The following DAB2IP variants were observed in gnomAD, a reference collection of about 807,000 sequenced individuals.
DAB2IP encodes the protein DAB2 interacting protein, also known as disabled homolog 2-interacting protein.
A neutral mutation model predicts 107.2 loss-of-function variants in DAB2IP; 28 were observed. That is an observed-to-expected ratio of 0.26 (90% CI 0.19 to 0.36). The LOEUF is 0.36. DAB2IP is among the 10% of genes least tolerant of loss of function. The pLI is 1.00. For missense variants in DAB2IP, 1,400 were observed against 1,644.7 expected, an observed-to-expected ratio of 0.85 and a Z score of 2.57; for synonymous variants, 755 against 706.4, an observed-to-expected ratio of 1.07 and a Z score of -1.09.
chr9:121,613,470 G>C (rs970155514), intron 1 of DAB2IP, among the ~76,000 whole-genome samples: 11 of 152,324 alleles, frequency 7.2e-5, no homozygotes, highest in African/African-American at 2.6e-4. Context: ...TCCAGTGCTA[G>C]GGCAGGAAGT....
chr9:121,760,272 C>G lies in DAB2IP; in HGVS notation c.1003C>G (p.Gln335Glu). The change falls in exon 6 of 16, where the codon CAA becomes GAA. Residue 335 changes from glutamine to glutamate, a missense_variant. Gln to Glu is a conservative substitution (Grantham distance 29). Transcript: ENST00000408936. The surrounding 1 kb of genome is among the most constrained non-coding windows in gnomAD (Gnocchi z 5.9). ...CATGATCCGCATCAAGGCGCGCTAC[C>G]AAACCATCACCATCCTGCCCATGGA... 6.2e-7 allele frequency: 1 copy of G among 1,613,912 alleles called. No homozygotes were observed. Among genetic ancestry groups the G allele is most frequent in the Non-Finnish European group, 8.5e-7 (1 of 1,180,026 alleles).
chr9:121,750,495 A>G (rs111651912), intron 3 of DAB2IP, among the ~76,000 whole-genome samples: 1 of 152,084 alleles, frequency 6.6e-6, no homozygotes, highest in Admixed American at 6.5e-5. Flanking sequence ...CTAAAACCAG[A>G]CGAGCCTGGC....
At chr9:121,749,769 G>C (rs1272579370) in intron 3 of DAB2IP, among the ~76,000 whole-genome samples, 1 of 152,216 alleles carries the variant, frequency 6.6e-6, no homozygotes. Context: ...AGATATGATT[G>C]ATCCCCATTT....
intron 14 of DAB2IP, among the ~76,000 whole-genome samples, chr9:121,777,861 A>G (rs1835315675): frequency 6.6e-6 from 1 of 152,126 alleles, no homozygotes; most frequent in African/African-American, 2.4e-5. Context: ...CCTCTTTGTC[A>G]TTATAAAATC....
intron 3 of DAB2IP, among the ~76,000 whole-genome samples, chr9:121,707,474 G>A (rs1379633996): frequency 2.6e-5 from 4 of 152,202 alleles, no homozygotes; most frequent in African/African-American, 9.6e-5. Context: ...GGGGACCAGA[G>A]CAGCCCTTCT....
chr9:121,581,740 G>C (rs1830198357), intron 1 of DAB2IP, among the ~76,000 whole-genome samples: 1 of 152,216 alleles, frequency 6.6e-6, no homozygotes, highest in Non-Finnish European at 1.5e-5. Flanking sequence ...GAGGCTGTGT[G>C]AGAGCTACAA....
chr9:121,678,612 C>T, intron 1 of DAB2IP, 66 bp from the exon 2 acceptor site: 1 of 1,303,084 alleles, frequency 7.7e-7, no homozygotes, highest in Non-Finnish European at 1.0e-6. Context: ...ATGGGAGTGG[C>T]AGGAGGCCCT....
chr9:121,567,094 C>A, exon 1 of DAB2IP: 2 of 1,540,204 alleles, frequency 1.3e-6, no homozygotes, highest in East Asian at 4.5e-5. Context: ...TTGGAAAAGC[C>A]GCCAGATGGA....
intron 1 of DAB2IP, among the ~76,000 whole-genome samples, chr9:121,592,816 T>C (rs1347558577): frequency 6.6e-6 from 1 of 152,090 alleles, no homozygotes; most frequent in Non-Finnish European, 1.5e-5. Context: ...CTGTCGCCCC[T>C]ACAGATGGAA....
At chr9:121,611,750 A>G (rs968370800) in intron 1 of DAB2IP, among the ~76,000 whole-genome samples, 26 of 151,956 alleles carry the variant, frequency 1.7e-4, no homozygotes, top group Admixed American at 1.6e-3. Context: ...ACAGTCAGCT[A>G]ATTTTTGTAT....
intron 1 of DAB2IP, among the ~76,000 whole-genome samples, chr9:121,582,485 G>T (rs912858109): frequency 1.3e-5 from 2 of 152,068 alleles, no homozygotes; most frequent in African/African-American, 4.8e-5. Flanking sequence ...GGGCAGCCAG[G>T]TGTGCTTCTA....
chr9:121,602,568 A>ATTTGTTTTGTTTTGT (rs60719164), intron 1 of DAB2IP, among the ~76,000 whole-genome samples: 4,159 of 150,424 alleles, frequency 0.028, 90 homozygotes, highest in African/African-American at 0.056. Flanking sequence ...CAATTTTTAA[A>ATTTGTTTTGTTTTGT]TTTGTTTTGT....
At chr9:121,763,941 G>A in intron 8 of DAB2IP, 62 bp downstream of exon 8, 1 of 1,588,872 alleles carries the variant, frequency 6.3e-7, no homozygotes, top group Non-Finnish European at 8.6e-7. Flanking sequence ...TTCAGTGTCT[G>A]GCACCCGCAG....
chr9:121,734,691 T>C (rs1831770005), intron 3 of DAB2IP, among the ~76,000 whole-genome samples: 1 of 152,132 alleles, frequency 6.6e-6, no homozygotes, highest in African/African-American at 2.4e-5. Flanking sequence ...CTGAGGGAAA[T>C]CTAGGAAGGC....
At chr9:121,775,054 G>A (rs142943168) in intron 13 of DAB2IP, among the ~76,000 whole-genome samples, 35 of 152,306 alleles carry the variant, frequency 2.3e-4, no homozygotes, top group Middle Eastern at 6.8e-3. Flanking sequence ...ATCTGCTGGG[G>A]CAAGGGGATG....
intron 1 of DAB2IP, among the ~76,000 whole-genome samples, chr9:121,585,672 G>A (rs2118915827): frequency 6.6e-6 from 1 of 152,146 alleles, no homozygotes; most frequent in Non-Finnish European, 1.5e-5. Context: ...AGCCAGGGCA[G>A]CAAGATCCCT....
chr9:121,759,870 C>A lies in DAB2IP; in HGVS notation c.616-15C>A, dbSNP rs1833764748. ...CACCCCCAGCTGACCACCCTGGACC[C>A]CCGTGCACATACAGGACAACAGCCG... On this transcript the variant is annotated splice_polypyrimidine_tract_variant and intron_variant, in intron 5 of 15. Coordinates refer to ENST00000408936, the Ensembl canonical transcript of DAB2IP. 1 of 1,604,802 alleles carries A rather than the reference C, an allele frequency of 6.2e-7. No homozygotes were observed. The highest frequency in any genetic ancestry group is 2.2e-5 in the East Asian group (1 of 44,576).
At chr9:121,784,328 C>T (rs1835856917) in exon 16 of DAB2IP, 1 of 153,556 alleles carries the variant, frequency 6.5e-6, no homozygotes, top group Admixed American at 6.5e-5. Flanking sequence ...CCAGTCTCAT[C>T]CTCCCATTGC....
chr9:121,682,207 G>A lies in DAB2IP; in HGVS notation c.228+3426G>A, dbSNP rs7871504. ...AGGCTCCCAAAAGCTATGTCCTCAC[G>A]TGCTCAGCTGACTTTTGCTCTGTGT... is the stretch of plus-strand genomic sequence containing the variant. On this transcript the variant is annotated intron_variant, in intron 2 of 15. Transcript: ENST00000408936. 7.9e-3 allele frequency among the ~76,000 whole-genome samples: 1,205 copies of A among 152,254 alleles called. 22 individuals are homozygous for A. Among genetic ancestry groups the A allele is most frequent in the African/African-American group, 0.028 (1,170 of 41,534 alleles).
Sources: gnomAD v4.1 joint callset for allele counts (sites outside exome capture counted in the v4.1 genomes callset) on GRCh38, gnomAD v4.1.1 for gene constraint, Gnocchi (gnomAD v3.1) non-coding constraint, MANE v1.5 for transcripts, NCBI Gene and HGNC (gene_info 2026-07-23, HGNC 2026-07-21) for gene names.